The following TLR6 variants were observed in gnomAD, a reference collection of about 807,000 sequenced individuals.
TLR6 encodes the protein toll like receptor 6.
In TLR6, 9 loss-of-function variants were observed where a neutral mutation model predicts 16.1. That is an observed-to-expected ratio of 0.56 (90% CI 0.34 to 0.98). The LOEUF is 0.98. Ranked by LOEUF, TLR6 falls within the 50% of genes least tolerant of loss-of-function variation. TLR6 has a pLI of 0.02. For missense variants in TLR6, 786 were observed against 921.0 expected (o/e 0.85, Z 1.90); for synonymous variants, 340 against 338.6 (o/e 1.00, Z -0.04).
intron 1 of TLR6, among the ~76,000 whole-genome samples, chr4:38,845,209 A>C (rs1375922409): frequency 3.3e-5 from 5 of 152,168 alleles, no homozygotes; most frequent in African/African-American, 1.2e-4. Flanking sequence ...ATATTGATCG[A>C]TTGATAGATC....
chr4:38,831,324 A>G (rs1711567674), intron 1 of TLR6, among the ~76,000 whole-genome samples: 2 of 152,202 alleles, frequency 1.3e-5, no homozygotes, highest in Admixed American at 1.3e-4. Flanking sequence ...AAGAGAAAGA[A>G]TTTAGACGCA....
rs1192886583 is a variant in TLR6, at chr4:38,828,536, GTGATA to G, written c.933_937del (p.Ile312GlufsTer17). On this transcript the variant is annotated frameshift_variant, in exon 2 of 2. Coordinates refer to ENST00000436693, the Ensembl canonical transcript of TLR6. LOFTEE classifies it low-confidence loss of function (END_TRUNC). ...CTGTGAAAACAGAAAAACTTGGTTC[GTGATA>G]TGTTCTATTGTCAATGCTTTCAATG... The G allele has an allele frequency of 6.2e-7, 1 of 1,613,940 alleles. No homozygotes were observed. Among genetic ancestry groups the G allele is most frequent in the Non-Finnish European group, 8.5e-7 (1 of 1,179,972 alleles).
intron 1 of TLR6, among the ~76,000 whole-genome samples, chr4:38,847,594 G>A (rs564337554): frequency 3.9e-4 from 60 of 152,302 alleles, no homozygotes; most frequent in South Asian, 8.3e-4. Flanking sequence ...CTAATACCGT[G>A]CTTTTCCAAC....
At chr4:38,847,297 G>T (rs967945608) in intron 1 of TLR6, among the ~76,000 whole-genome samples, 2 of 151,978 alleles carry the variant, frequency 1.3e-5, no homozygotes, top group Non-Finnish European at 2.9e-5. Flanking sequence ...GCACACATTA[G>T]GGGGGGTGGT....
intron 1 of TLR6, among the ~76,000 whole-genome samples, chr4:38,848,136 G>A (rs571648945): frequency 1.1e-4 from 17 of 152,340 alleles, no homozygotes; most frequent in African/African-American, 4.1e-4. Context: ...AATATTCGCT[G>A]TTCTGCAGCC....
At chr4:38,844,724 C>G (rs56083757) in intron 1 of TLR6, among the ~76,000 whole-genome samples, 46,423 of 151,986 alleles carry the variant, frequency 0.31, 8,223 homozygotes, top group East Asian at 0.58. Context: ...AGTCATATTT[C>G]TGACTATAAA....
intron 1 of TLR6, among the ~76,000 whole-genome samples, chr4:38,848,399 G>A (rs1281571449): frequency 6.6e-6 from 1 of 152,242 alleles, no homozygotes; most frequent in Non-Finnish European, 1.5e-5. Flanking sequence ...AAGGAACGCA[G>A]CTCCTCGCCA....
chr4:38,842,852 C>T, intron 1 of TLR6, among the ~76,000 whole-genome samples: 1 of 148,528 alleles, frequency 6.7e-6, no homozygotes, highest in East Asian at 2.0e-4. Context: ...ATATACTGTG[C>T]TTTTTTTTTT....
chr4:38,860,557 G>A (rs78672164), upstream of TLR6, among the ~76,000 whole-genome samples: 4,595 of 143,034 alleles, frequency 0.032, 204 homozygotes, highest in African/African-American at 0.088. Flanking sequence ...AAAAAGACAA[G>A]CCGCAGACTG....
intron 1 of TLR6, among the ~76,000 whole-genome samples, chr4:38,847,085 G>C (rs1368806479): frequency 1.3e-5 from 2 of 152,210 alleles, no homozygotes; most frequent in East Asian, 3.9e-4. Flanking sequence ...TAATTCAATT[G>C]AGTAAGTCAA....
intron 1 of TLR6, among the ~76,000 whole-genome samples, chr4:38,853,034 T>C (rs540201807): frequency 1.4e-5 from 2 of 147,630 alleles, no homozygotes; most frequent in East Asian, 1.9e-4. Context: ...ATATACACCA[T>C]GGAATACTAT....
At chr4:38,866,127 A>AAAAAT in the TLR6 span, among the ~76,000 whole-genome samples, 1 of 152,068 alleles carries the variant, frequency 6.6e-6, no homozygotes. Flanking sequence ...TGTCCTCCTA[A>AAAAAT]AAAATAAAAT....
At chr4:38,868,332 G>A in the TLR6 span, 3 of 152,974 alleles carry the variant, frequency 2.0e-5, no homozygotes, top group Non-Finnish European at 4.4e-5. Flanking sequence ...GCCTGCCCTC[G>A]GCCTTGGCAC....
At chr4:38,834,257 T>A (rs564730242) in intron 1 of TLR6, among the ~76,000 whole-genome samples, 33 of 132,704 alleles carry the variant, frequency 2.5e-4, no homozygotes, top group African/African-American at 9.0e-4. Context: ...AATATATATA[T>A]AAAATTAAAA....
chr4:38,829,919 A>G (rs1727746312), intron 1 of TLR6, among the ~76,000 whole-genome samples: 1 of 152,234 alleles, frequency 6.6e-6, no homozygotes, highest in Non-Finnish European at 1.5e-5. Context: ...GGGCTAACAG[A>G]GGGGGCAAGC....
At chr4:38,830,064 T>A (rs888639158) in intron 1 of TLR6, among the ~76,000 whole-genome samples, 1 of 152,228 alleles carries the variant, frequency 6.6e-6, no homozygotes. Flanking sequence ...GCTGGACGCA[T>A]GTTCAGAGGA....
At chr4:38,867,943 G>C in the TLR6 span, 2 of 261,102 alleles carry the variant, frequency 7.7e-6, no homozygotes, top group South Asian at 6.8e-5. Context: ...CCTCGTCCGG[G>C]ACCCACGAAT....
Position 38,828,392 on chromosome 4 carries a change from G to A in TLR6, c.1082C>T (p.Thr361Ile), listed in dbSNP as rs756592826. Residue 361 changes from threonine (T) to isoleucine (I), a missense_variant, in exon 2 of 2, where the codon ACC becomes ATC. Transcript: ENST00000436693. ...AATACTATCTGTGAAAACGTTCTGG[G>A]TAAAGTTCAAAAACTTGAATGTGCT... 19 of 1,612,826 alleles carry A rather than the reference G, an allele frequency of 1.2e-5. No individual in the cohort carries two copies. In the African/African-American group the frequency reaches 1.2e-4, roughly 10 times the overall value.
rs57901685 is a variant in TLR6 at position 38,839,310 on chromosome 4, TA to T, written c.-64-9774del. ...AAAATAAAGTCTATTGATTTTTTTT[TA>T]AAAAAAATTAATAGAAATGGAAAAA... is the stretch of plus-strand genomic sequence containing the variant. On this transcript the variant is annotated intron_variant, in intron 1 of 1. Transcript: ENST00000436693. Among the ~76,000 whole-genome samples the T allele has an allele frequency of 6.3e-3, 957 of 151,752 alleles. 8 individuals are homozygous for T. Among genetic ancestry groups the T allele is most frequent in the African/African-American group, 0.02 (823 of 41,264 alleles).
Sources: gnomAD v4.1 joint callset for allele counts (sites outside exome capture counted in the v4.1 genomes callset) on GRCh38, gnomAD v4.1.1 for gene constraint, MANE v1.5 for transcripts, NCBI Gene and HGNC (gene_info 2026-07-23, HGNC 2026-07-21) for gene names.